The following TBC1D16 variants were observed in gnomAD, a reference collection of about 807,000 sequenced individuals.
TBC1D16 encodes CTD-2529O21.1.
In TBC1D16, 58 loss-of-function variants were observed where a neutral mutation model predicts 74.7. The ratio of observed to expected loss-of-function variants is 0.78; its 90% CI spans 0.63 to 0.97. The LOEUF (loss-of-function observed/expected upper bound fraction) is 0.97, where lower values mean the gene tolerates loss of function less well. Among genes scored for constraint, TBC1D16 ranks in the 50% least tolerant of loss-of-function variants. TBC1D16 has a pLI of 0.00. For synonymous variants in TBC1D16, 493 were observed against 474.7 expected, an observed-to-expected ratio of 1.04 and a Z score of -0.50; for missense variants, 1,014 against 1,079.5, an observed-to-expected ratio of 0.94 and a Z score of 0.85.
At position 79,941,594 on chromosome 17, in the gene TBC1D16, G is replaced by A. The variant is rs574774020; in HGVS notation, c.2055+466C>T. Among the ~76,000 whole-genome samples the A allele has an allele frequency of 6.6e-6, 1 of 152,308 alleles. No homozygotes were observed. Among genetic ancestry groups the A allele is most frequent in the South Asian group, 2.1e-4 (1 of 4,824 alleles). On this transcript the variant is annotated intron_variant, in intron 11 of 11. Coordinates refer to ENST00000310924, the MANE Select transcript of TBC1D16 (RefSeq NM_019020.4). This position sits in a 1 kb window ranked among gnomAD's most constrained non-coding sequence, Gnocchi z 4.3. ...GCTCAGTGCCCTGAGGACCACCAGA[G>A]AGCTAACGGGCAGCATCTCCAGGAG...
intron 9 of TBC1D16, among the ~76,000 whole-genome samples, chr17:79,946,604 G>A (rs976896401): frequency 1.9e-4 from 29 of 152,324 alleles, no homozygotes; most frequent in Non-Finnish European, 4.0e-4. Context: ...TGTGTCCTGG[G>A]GTGGGGACCC....
intron 1 of TBC1D16, among the ~76,000 whole-genome samples, chr17:80,018,945 A>G (rs2036192404): frequency 6.7e-6 from 1 of 150,060 alleles, no homozygotes; most frequent in Non-Finnish European, 1.5e-5. Context: ...TGCATTTTGC[A>G]CTTAAGCACG....
intron 3 of TBC1D16, among the ~76,000 whole-genome samples, chr17:79,962,424 A>AG (rs1428482846): frequency 5.3e-5 from 8 of 151,448 alleles, no homozygotes; most frequent in African/African-American, 1.9e-4. Context: ...CATGTTGGCC[A>AG]GCTGGCCTCA....
In TBC1D16 at chr17:80,022,367, CTT is replaced by C. The variant is rs747612827; in HGVS notation, c.-62-8760_-62-8759del. ...ATTTATTTAGAGACAGAGTTTCTCT[CTT>C]GTTGCCCAGGCTAGTGGAGTGCAGT... is the stretch of plus-strand genomic sequence containing the variant. On this transcript the variant is annotated intron_variant, in intron 1 of 11. Transcript: ENST00000310924. Among the ~76,000 whole-genome samples, 297 of 149,826 alleles carry C rather than the reference CTT, an allele frequency of 2.0e-3. 1 individual carries two copies. Among genetic ancestry groups the C allele is most frequent in the Non-Finnish European group, 3.8e-3 (257 of 68,022 alleles).
At chr17:79,984,373 G>A (rs115101600) in intron 3 of TBC1D16, among the ~76,000 whole-genome samples, 180 of 152,156 alleles carry the variant, frequency 1.2e-3, no homozygotes, top group African/African-American at 4.2e-3. Flanking sequence ...CTACAACTCT[G>A]TAAAATAACT....
chr17:80,024,228 G>A lies in TBC1D16; in HGVS notation c.-62-10619C>T, dbSNP rs1010717830. On this transcript the variant is annotated intron_variant, in intron 1 of 11. Coordinates refer to ENST00000310924, the MANE Select transcript of TBC1D16 (RefSeq NM_019020.4). ...CACGCCCCACGGACCCCAGCCCCTT[G>A]GAGATCCCAAACCCCATGCCTGCTG... 2.6e-5 allele frequency among the ~76,000 whole-genome samples: 3 copies of A among 114,120 alleles called. 1 individual carries two copies. The highest frequency in any genetic ancestry group is 1.0e-4 in the African/African-American group (3 of 29,520). 74.9% of individuals were successfully genotyped at this position (114,120 alleles called of 152,430 possible).
intron 3 of TBC1D16, among the ~76,000 whole-genome samples, chr17:79,974,966 CT>C (rs1222384075): frequency 6.6e-6 from 1 of 152,220 alleles, no homozygotes; most frequent in Non-Finnish European, 1.5e-5. Context: ...CGGTTTTTGC[CT>C]TTGACCTGGG....
At chr17:80,019,978 TCTTTATAGAGGTGATCAAGTTAC>T (rs2036229821) in intron 1 of TBC1D16, among the ~76,000 whole-genome samples, 1 of 149,958 alleles carries the variant, frequency 6.7e-6, no homozygotes. Context: ...GAAGACAGCA[TCTTTATAGAGGTGATCAAGTTAC>T]CTTGAGGTCA....
Position 79,944,916 on chromosome 17 carries a change from G to A in TBC1D16, c.1900C>T (p.His634Tyr). The change falls in exon 10 of 12, where the codon CAC (histidine) becomes TAC (tyrosine). Residue 634 changes from histidine (H) to tyrosine (Y), a missense_variant. Coordinates refer to ENST00000310924, the MANE Select transcript of TBC1D16 (RefSeq NM_019020.4). The surrounding 1 kb of genome is among the most constrained non-coding windows in gnomAD (Gnocchi z 7.7). ...ALRIWEACWAHYQTDYFHLFI... is the reference protein window; with the variant it reads ...ALRIWEACWAYYQTDYFHLFI... ...GCCCCTGCCCTGGTCACCTGGTAGT[G>A]GGCCCAGCAGGCCTCCCAGATCCGC... is the stretch of plus-strand genomic sequence containing the variant. 2 of 1,550,454 alleles carry A rather than the reference G, an allele frequency of 1.3e-6. No homozygotes were observed.
chr17:80,022,839 T>C (rs144172209), intron 1 of TBC1D16, among the ~76,000 whole-genome samples: 3,796 of 149,698 alleles, frequency 0.025, 167 homozygotes, highest in Non-Finnish European at 0.033. Context: ...TTTGCCATGT[T>C]GGCCAGGCTG....
Position 80,008,839 on chromosome 17 carries a change from C to G in TBC1D16, c.779+1321G>C, listed in dbSNP as rs893879013. The stretch of plus-strand genomic sequence containing the variant: ...TGGAGGGATAAAATCAGGGAAGAAC[C>G]CGTCCCACAGTCACCCCTGCTGAGG... On this transcript the variant is annotated intron_variant, in intron 3 of 11. Transcript: ENST00000310924. This position sits in a 1 kb window ranked among gnomAD's most constrained non-coding sequence, Gnocchi z 4.5. Among the ~76,000 whole-genome samples the G allele has an allele frequency of 1.3e-5, 2 of 152,196 alleles. No homozygotes were observed. The highest frequency in any genetic ancestry group is 2.9e-5 in the Non-Finnish European group (2 of 68,026).
rs2034678556 is a variant in TBC1D16, at chr17:79,983,495, C to G, written c.779+26665G>C. Among the ~76,000 whole-genome samples the G allele has an allele frequency of 6.6e-6, 1 of 152,236 alleles. No homozygotes were observed. The highest frequency in any genetic ancestry group is 1.5e-5 in the Non-Finnish European group (1 of 68,042). On this transcript the variant is annotated intron_variant, in intron 3 of 11. Coordinates refer to ENST00000310924, the MANE Select transcript of TBC1D16 (RefSeq NM_019020.4). This position sits in a 1 kb window ranked among gnomAD's most constrained non-coding sequence, Gnocchi z 5.6. ...ACAACCTGGGGAACAGCCATGGAGA[C>G]AGTGTCCCCCTATTGGAGTGAGCAC...
chr17:80,012,873 G>T (rs1457410448), intron 2 of TBC1D16, among the ~76,000 whole-genome samples: 1 of 152,180 alleles, frequency 6.6e-6, no homozygotes, highest in East Asian at 1.9e-4. Context: ...GCAACAGGAA[G>T]AAATGAGAAG....
intron 3 of TBC1D16, among the ~76,000 whole-genome samples, chr17:79,978,689 C>T (rs2034445674): frequency 6.6e-6 from 1 of 152,230 alleles, no homozygotes; most frequent in African/African-American, 2.4e-5. Context: ...AGACTCAGGA[C>T]GTGCACGTGA....
rs2034864408 is a variant in TBC1D16 at position 79,986,955 on chromosome 17, T to C, written c.779+23205A>G. Among the ~76,000 whole-genome samples the C allele has an allele frequency of 6.6e-6, 1 of 152,228 alleles. No homozygotes were observed. Among genetic ancestry groups the C allele is most frequent in the South Asian group, 2.1e-4 (1 of 4,834 alleles). The stretch of plus-strand genomic sequence containing the variant: ...TGTTTACTTGGCTCCCTTCCCGGGA[T>C]GGCCTTGTAGCAAATCCATCTGGGA... On this transcript the variant is annotated intron_variant, in intron 3 of 11. Transcript: ENST00000310924. This position sits in a 1 kb window ranked among gnomAD's most constrained non-coding sequence, Gnocchi z 6.0.
In TBC1D16 at chr17:79,933,423, G is replaced by A. The variant is rs2031382664; in HGVS notation, c.*7436C>T. The A allele has an allele frequency of 6.6e-6, 1 of 152,204 alleles. No homozygotes were observed. Among genetic ancestry groups the A allele is most frequent in the South Asian group, 2.1e-4 (1 of 4,830 alleles). The allele number at this position is 152,204 out of a possible 1,614,324, so 9.4% of individuals were successfully genotyped here. On this transcript the variant is annotated 3_prime_UTR_variant, in exon 12 of 12. Transcript: ENST00000310924. ...GAGTTTGGACAAAGGGTGTCCCGAC[G>A]ACGATAAAGAGCCAGGAGCAGAGAG...
chr17:79,951,617 G>T lies in TBC1D16; in HGVS notation c.942-20C>A, dbSNP rs751645697. On this transcript the variant is annotated intron_variant, in intron 4 of 11. Transcript: ENST00000310924. ...TCGTCGCTGAAGGGCCATTGGAAGG[G>T]GGAGAGGGAAGCCCGATGAATATGT... is the stretch of plus-strand genomic sequence containing the variant. 1 of 1,609,344 alleles carries T rather than the reference G, an allele frequency of 6.2e-7. No homozygotes were observed. The highest frequency in any genetic ancestry group is 1.7e-5 in the Admixed American group (1 of 59,452).
rs951206865 is a variant in TBC1D16 at position 79,950,470 on chromosome 17, C to A, written c.1198G>T (p.Ala400Ser). ...ESMYKRLGVS[A>S]WLNHLNELGQ... Reference sequence around the variant, plus strand: ...AGCTCATTCAGGTGGTTGAGCCAGGCGGAGACGCCGAGCCTCTTGTACATG... The same window carrying A: ...AGCTCATTCAGGTGGTTGAGCCAGGAGGAGACGCCGAGCCTCTTGTACATG... Residue 400 changes from alanine (A) to serine (S), a missense_variant, in exon 6 of 12, where the codon GCC (alanine) becomes TCC (serine). Physicochemically the swap from Ala to Ser is moderately conservative, Grantham distance 99. Transcript: ENST00000310924. The surrounding 1 kb of genome is among the most constrained non-coding windows in gnomAD (Gnocchi z 4.6). 1.9e-6 allele frequency: 3 copies of A among 1,612,748 alleles called. No individual in the cohort carries two copies. The highest frequency in any genetic ancestry group is 1.3e-5 in the African/African-American group (1 of 74,896).
rs538747395 is a variant in TBC1D16 at position 79,977,882 on chromosome 17, G to T, written c.780-25064C>A. Among the ~76,000 whole-genome samples, 5 of 152,242 alleles carry T rather than the reference G, an allele frequency of 3.3e-5. No homozygotes were observed. In the East Asian group the frequency reaches 9.6e-4, roughly 29 times the overall value. On this transcript the variant is annotated intron_variant, in intron 3 of 11. Coordinates refer to ENST00000310924, the MANE Select transcript of TBC1D16 (RefSeq NM_019020.4). ...GGGCGATTGATGCGGCTGCCAGTTC[G>T]AAGAGGCAGAGCAATAAAGCCTCGG...
Sources: gnomAD v4.1 joint callset for allele counts (sites outside exome capture counted in the v4.1 genomes callset) on GRCh38, gnomAD v4.1.1 for gene constraint, Gnocchi (gnomAD v3.1) non-coding constraint, MANE v1.5 for transcripts, NCBI Gene and HGNC (gene_info 2026-07-23, HGNC 2026-07-21) for gene names.